PRDM6: variants seen among roughly 807,000 people sequenced by gnomAD.
PRDM6 encodes the protein putative histone-lysine N-methyltransferase PRDM6.
A neutral mutation model predicts 60.8 loss-of-function variants in PRDM6; 25 were observed. The ratio of observed to expected loss-of-function variants is 0.41; its 90% CI spans 0.30 to 0.57. The LOEUF (loss-of-function observed/expected upper bound fraction) is 0.57. PRDM6 is among the 20% of genes least tolerant of loss of function. The pLI is 0.27. For synonymous variants in PRDM6, 407 were observed against 357.4 expected (o/e 1.14, Z -1.57); for missense variants, 839 against 821.3 (o/e 1.02, Z -0.26).
chr5:123,146,325 T>C (rs530783879), intron 3 of PRDM6, among the ~76,000 whole-genome samples: 9 of 152,338 alleles, frequency 5.9e-5, no homozygotes, highest in African/African-American at 2.2e-4. Flanking sequence ...ACGAGGCATA[T>C]GGAGATTTCA....
chr5:123,110,077 T>C (rs1764275643), intron 3 of PRDM6, among the ~76,000 whole-genome samples: 1 of 152,184 alleles, frequency 6.6e-6, no homozygotes, highest in African/African-American at 2.4e-5. Flanking sequence ...AATACAGACA[T>C]AACAGTATAT....
chr5:123,144,716 G>A (rs1026485597), intron 3 of PRDM6, among the ~76,000 whole-genome samples: 12 of 152,086 alleles, frequency 7.9e-5, no homozygotes, highest in African/African-American at 2.9e-4. Context: ...GACACTTTTG[G>A]ACATTTTTAA....
chr5:123,146,244 C>T (rs1765236505), intron 3 of PRDM6, among the ~76,000 whole-genome samples: 1 of 152,134 alleles, frequency 6.6e-6, no homozygotes, highest in South Asian at 2.1e-4. Flanking sequence ...TGGTATTGTA[C>T]CCACTAGACT....
intron 3 of PRDM6, among the ~76,000 whole-genome samples, chr5:123,130,947 G>A (rs556024799): frequency 6.6e-6 from 1 of 152,316 alleles, no homozygotes; most frequent in South Asian, 2.1e-4. Context: ...TTGCTTTTGA[G>A]CCAAATGATA....
chr5:123,094,991 CT>C (rs1251996479), intron 2 of PRDM6, among the ~76,000 whole-genome samples: 1 of 152,244 alleles, frequency 6.6e-6, no homozygotes, highest in African/African-American at 2.4e-5. Context: ...ACGCCCAGAG[CT>C]TTTGCGATTC....
chr5:123,180,545 C>G (rs543436286), intron 7 of PRDM6, among the ~76,000 whole-genome samples: 5 of 152,146 alleles, frequency 3.3e-5, no homozygotes, highest in Non-Finnish European at 5.9e-5. Context: ...CAACCTTGGT[C>G]GTGAGACAAA....
At chr5:123,168,245 G>T (rs892898540) in intron 5 of PRDM6, among the ~76,000 whole-genome samples, 1 of 151,910 alleles carries the variant, frequency 6.6e-6, no homozygotes, top group African/African-American at 2.4e-5. Flanking sequence ...TACGTACGTA[G>T]GTGTATATAA....
chr5:123,131,233 T>C lies in PRDM6; in HGVS notation c.901-24651T>C, dbSNP rs192447616. ...GTTTGGTAAATGGGCACAAAAATAC[T>C]GTTAGGAGGAATAAGATCTAGTGGT... On this transcript the variant is annotated intron_variant, in intron 3 of 7. Coordinates refer to ENST00000407847, the MANE Select transcript of PRDM6 (RefSeq NM_001136239.4). Among the ~76,000 whole-genome samples, 6 of 152,226 alleles carry C rather than the reference T, an allele frequency of 3.9e-5. No homozygotes were observed. The East Asian group carries it at 1.2e-3, about 29-fold the overall frequency.
intron 3 of PRDM6, among the ~76,000 whole-genome samples, chr5:123,118,872 A>G (rs1036461321): frequency 3.3e-5 from 5 of 152,122 alleles, no homozygotes; most frequent in African/African-American, 1.2e-4. Context: ...GCACAGGTAT[A>G]TGACCTTCTG....
chr5:123,171,452 C>T (rs1765888668), intron 6 of PRDM6, among the ~76,000 whole-genome samples: 1 of 152,196 alleles, frequency 6.6e-6, no homozygotes, highest in South Asian at 2.1e-4. Flanking sequence ...ATATAGCTGG[C>T]TGCTCTGCTG....
chr5:123,156,040 A>G (rs1765490664), intron 4 of PRDM6, 29 bp downstream of exon 4: 1 of 1,540,462 alleles, frequency 6.5e-7, no homozygotes, highest in African/African-American at 1.4e-5. Context: ...TACCACCTAC[A>G]GAGCTGAAGC....
At chr5:123,105,037 C>T (rs754631358) in intron 3 of PRDM6, among the ~76,000 whole-genome samples, 43 of 152,112 alleles carry the variant, frequency 2.8e-4, no homozygotes, top group Non-Finnish European at 5.7e-4. Flanking sequence ...AGGTTTAATC[C>T]CAACATGCAT....
chr5:123,167,072 CAGTG>C (rs1258773603), intron 5 of PRDM6, among the ~76,000 whole-genome samples: 2 of 152,166 alleles, frequency 1.3e-5, no homozygotes, highest in Non-Finnish European at 2.9e-5. Context: ...TGGACATAGT[CAGTG>C]AGGCTGATAT....
intron 2 of PRDM6, among the ~76,000 whole-genome samples, chr5:123,094,616 A>C (rs1428313829): frequency 6.6e-6 from 1 of 152,200 alleles, no homozygotes; most frequent in Non-Finnish European, 1.5e-5. Flanking sequence ...ATGGTCCATC[A>C]GCAGTAATCT....
At chr5:123,140,649 AT>A (rs1258537924) in intron 3 of PRDM6, among the ~76,000 whole-genome samples, 2 of 152,190 alleles carry the variant, frequency 1.3e-5, no homozygotes, top group Non-Finnish European at 2.9e-5. Flanking sequence ...TTCTTACCTA[AT>A]AAAAAATGGC....
At chr5:123,162,805 T>C (rs953088434) in intron 5 of PRDM6, among the ~76,000 whole-genome samples, 10 of 152,200 alleles carry the variant, frequency 6.6e-5, no homozygotes, top group Admixed American at 5.2e-4. Flanking sequence ...GGGGGAGATA[T>C]ATGACTTTGA....
intron 3 of PRDM6, among the ~76,000 whole-genome samples, chr5:123,143,115 T>C (rs1159504036): frequency 6.7e-6 from 1 of 150,078 alleles, no homozygotes; most frequent in Non-Finnish European, 1.5e-5. Context: ...TATCCTTTTA[T>C]CTGAAAGTAT....
intron 3 of PRDM6, 74 bp from the exon 4 acceptor site, chr5:123,155,810 G>T: frequency 6.7e-7 from 1 of 1,496,412 alleles, no homozygotes. Context: ...GACACATAAA[G>T]ACACCAAGGG....
chr5:123,123,634 C>G (rs1408666280), intron 3 of PRDM6, among the ~76,000 whole-genome samples: 1 of 152,190 alleles, frequency 6.6e-6, no homozygotes, highest in Non-Finnish European at 1.5e-5. Flanking sequence ...ATTTTCATTT[C>G]TATTGCCTTT....
Sources: allele counts gnomAD v4.1 joint callset (sites outside exome capture counted in the v4.1 genomes callset), GRCh38; gene constraint gnomAD v4.1.1; transcripts MANE v1.5; gene names NCBI Gene and HGNC (gene_info 2026-07-23, HGNC 2026-07-21).